Variants in ATP10B observed in about 807,000 individuals in gnomAD.
The protein encoded by ATP10B is phospholipid-transporting ATPase VB.
Under a neutral mutation model 141.2 loss-of-function variants are expected in ATP10B, and 122 were observed. The ratio of observed to expected loss-of-function variants is 0.86; its 90% CI spans 0.75 to 1.00. The LOEUF is 1.00. Among genes scored for constraint, ATP10B ranks in the 50% least tolerant of loss-of-function variants. The pLI is 0.00. For synonymous variants in ATP10B, 685 were observed against 692.0 expected, an observed-to-expected ratio of 0.99 and a Z score of 0.16; for missense variants, 1,876 against 1,825.3, an observed-to-expected ratio of 1.03 and a Z score of -0.51.
At chr5:160,705,965 T>C (rs1008476370) in intron 3 of ATP10B, among the ~76,000 whole-genome samples, 17 of 152,322 alleles carry the variant, frequency 1.1e-4, no homozygotes, top group Non-Finnish European at 2.4e-4. Context: ...GGGTTATTTA[T>C]TGGCCTAATT....
chr5:160,827,078 C>G (rs1332392263), intron 1 of ATP10B, among the ~76,000 whole-genome samples: 1 of 152,168 alleles, frequency 6.6e-6, no homozygotes, highest in Non-Finnish European at 1.5e-5. Context: ...GTGACCTACA[C>G]CCTGTTCCTA....
At chr5:160,726,051 C>A (rs1228148716) in intron 2 of ATP10B, among the ~76,000 whole-genome samples, 1 of 152,052 alleles carries the variant, frequency 6.6e-6, no homozygotes, top group Non-Finnish European at 1.5e-5. Flanking sequence ...TGTGCCTTTT[C>A]CCAAACCACA....
chr5:160,704,917 T>C (rs960330210), intron 3 of ATP10B, among the ~76,000 whole-genome samples: 3 of 124,226 alleles, frequency 2.4e-5, no homozygotes, highest in Middle Eastern at 4.2e-3. Flanking sequence ...CTTTCATCTT[T>C]TTTTTTTTTT....
the ATP10B span, among the ~76,000 whole-genome samples, chr5:160,866,451 A>T: frequency 6.6e-6 from 1 of 152,136 alleles, no homozygotes; most frequent in Non-Finnish European, 1.5e-5. Flanking sequence ...AGGCAGGTGG[A>T]TCACCTGAAG....
chr5:160,685,150 A>G (rs1763671377), intron 6 of ATP10B: 1 of 693,832 alleles, frequency 1.4e-6, no homozygotes, highest in Non-Finnish European at 2.6e-6. Flanking sequence ...TCCTTCAAAG[A>G]GCAAGTTAGA....
chr5:160,844,697 C>T (rs1489340528), intron 1 of ATP10B, among the ~76,000 whole-genome samples: 1 of 151,940 alleles, frequency 6.6e-6, no homozygotes, highest in African/African-American at 2.4e-5. Context: ...AGGCATGCAC[C>T]AACATGTCCT....
intron 24 of ATP10B, among the ~76,000 whole-genome samples, chr5:160,571,899 C>A (rs753171185): frequency 2.6e-5 from 4 of 152,126 alleles, no homozygotes; most frequent in Non-Finnish European, 5.9e-5. Context: ...TCTTTGCAGT[C>A]CCAGCTGGGG....
At chr5:160,716,380 G>T (rs1487932065) in intron 3 of ATP10B, among the ~76,000 whole-genome samples, 2 of 152,052 alleles carry the variant, frequency 1.3e-5, no homozygotes, top group South Asian at 2.1e-4. Flanking sequence ...TGTGATGGGG[G>T]GTACTATTAG....
At chr5:160,809,899 G>A (rs926622468) in intron 1 of ATP10B, among the ~76,000 whole-genome samples, 1 of 152,136 alleles carries the variant, frequency 6.6e-6, no homozygotes, top group Non-Finnish European at 1.5e-5. Context: ...TGGATATCAG[G>A]CTTCTTGGCT....
upstream of ATP10B, among the ~76,000 whole-genome samples, chr5:160,854,260 G>A (rs1753943734): frequency 6.6e-6 from 1 of 152,036 alleles, no homozygotes; most frequent in Non-Finnish European, 1.5e-5. Flanking sequence ...ACGTGCCATG[G>A]TGGTTTGCTG....
chr5:160,694,322 C>T (rs1764245233), intron 3 of ATP10B, among the ~76,000 whole-genome samples: 1 of 152,164 alleles, frequency 6.6e-6, no homozygotes, highest in African/African-American at 2.4e-5. Flanking sequence ...AAGTTCCTTC[C>T]AGTTGTAAAG....
chr5:160,719,690 C>T (rs1156434411), intron 2 of ATP10B, among the ~76,000 whole-genome samples: 1 of 152,206 alleles, frequency 6.6e-6, no homozygotes, highest in Non-Finnish European at 1.5e-5. Flanking sequence ...TTATTGTCCT[C>T]ATTAGGAAAA....
chr5:160,692,676 C>T (rs192874810), intron 3 of ATP10B: 2 of 152,286 alleles, frequency 1.3e-5, no homozygotes, highest in East Asian at 3.9e-4. Context: ...GTTTGAAGAC[C>T]CCACATAGGA....
intron 3 of ATP10B, among the ~76,000 whole-genome samples, chr5:160,703,271 T>C (rs1182900718): frequency 6.6e-6 from 1 of 152,166 alleles, no homozygotes; most frequent in African/African-American, 2.4e-5. Flanking sequence ...TGCAATGAAG[T>C]GAGTCACATA....
chr5:160,784,746 G>A (rs116705756), intron 2 of ATP10B, among the ~76,000 whole-genome samples: 2,374 of 152,258 alleles, frequency 0.016, 58 homozygotes, highest in African/African-American at 0.054. Context: ...GATGGAGTAT[G>A]TGAGGTCTTA....
At chr5:160,788,176 TGA>T (rs1025835549) in intron 1 of ATP10B, among the ~76,000 whole-genome samples, 1 of 152,162 alleles carries the variant, frequency 6.6e-6, no homozygotes, top group Non-Finnish European at 1.5e-5. Flanking sequence ...GCTGGTGCTC[TGA>T]GAGTTAGAGA....
chr5:160,737,760 G>A (rs1310915121), intron 2 of ATP10B, among the ~76,000 whole-genome samples: 1 of 152,006 alleles, frequency 6.6e-6, no homozygotes, highest in African/African-American at 2.4e-5. Flanking sequence ...CAATCATTAG[G>A]AAGACATAAC....
At chr5:160,839,959 TA>T (rs1268551440) in intron 1 of ATP10B, among the ~76,000 whole-genome samples, 1 of 151,944 alleles carries the variant, frequency 6.6e-6, no homozygotes, top group African/African-American at 2.4e-5. Context: ...TGTACACAGA[TA>T]ATAGGTAAAA....
chr5:160,714,558 G>T (rs1765472977), intron 3 of ATP10B, among the ~76,000 whole-genome samples: 1 of 99,782 alleles, frequency 1.0e-5, no homozygotes, highest in Non-Finnish European at 2.0e-5. Flanking sequence ...CCTTTGGTTT[G>T]AATGTCCTCC....
Sources: gnomAD v4.1 joint callset for allele counts (sites outside exome capture counted in the v4.1 genomes callset) on GRCh38, gnomAD v4.1.1 for gene constraint, MANE v1.5 for transcripts, NCBI Gene and HGNC (gene_info 2026-07-23, HGNC 2026-07-21) for gene names.